FCAR: variants seen among roughly 807,000 people sequenced by gnomAD.
FCAR encodes immunoglobulin alpha Fc receptor.
A neutral mutation model predicts 27.1 loss-of-function variants in FCAR; 21 were observed. That is an observed-to-expected ratio of 0.77 (90% confidence interval 0.55 to 1.11). The LOEUF (loss-of-function observed/expected upper bound fraction) is 1.11, where lower values mean the gene tolerates loss of function less well. Among genes scored for constraint, FCAR ranks in the 50% most tolerant of loss-of-function variants. The probability of loss-of-function intolerance (pLI) is 0.00; values close to 1 mark genes in which losing one functional copy is unlikely to be tolerated. For missense variants in FCAR, 404 were observed against 358.4 expected (o/e 1.13, Z -1.03); for synonymous variants, 134 against 135.8 (o/e 0.99, Z 0.09).
chr19:54,877,977 G>T (rs184642417), intron 2 of FCAR, among the ~76,000 whole-genome samples: 27 of 150,238 alleles, frequency 1.8e-4, no homozygotes, highest in Non-Finnish European at 3.2e-4. Context: ...GTGCAGTGGC[G>T]CAATCTAGGC....
intron 2 of FCAR, among the ~76,000 whole-genome samples, chr19:54,878,390 G>T (rs1251110485): frequency 6.6e-6 from 1 of 152,146 alleles, no homozygotes; most frequent in South Asian, 2.1e-4. Flanking sequence ...TTGCCTCAAT[G>T]ATCTAATACT....
intron 2 of FCAR, among the ~76,000 whole-genome samples, chr19:54,881,103 G>A (rs917354093): frequency 1.3e-5 from 2 of 152,170 alleles, no homozygotes; most frequent in Admixed American, 1.3e-4. Flanking sequence ...CCTTAGCAGC[G>A]GTTGTGGCAG....
At chr19:54,875,930 T>C (rs2066066799) in intron 2 of FCAR, among the ~76,000 whole-genome samples, 1 of 152,216 alleles carries the variant, frequency 6.6e-6, no homozygotes. Context: ...GAATTATTTG[T>C]GTGTTGAACA....
rs375952485 is a variant in FCAR, at chr19:54,885,351, A to G, written c.187A>G (p.Ile63Val). The change falls in exon 3 of 5, where the codon ATA becomes GTA. Residue 63 changes from isoleucine (I) to valine (V), a missense_variant. Ile to Val is a conservative substitution (Grantham distance 29). Coordinates refer to ENST00000355524, the MANE Select transcript of FCAR (RefSeq NM_002000.4). ...REAYLTQLMI[I>V]KNSTYREIGR... Reference sequence around the variant, plus strand: ...AGCTTACCTGACCCAGCTGATGATCATAAAAAACTCCACGTACCGAGAGAT... The same window carrying G: ...AGCTTACCTGACCCAGCTGATGATCGTAAAAAACTCCACGTACCGAGAGAT... 2 of 1,614,152 alleles carry G rather than the reference A, an allele frequency of 1.2e-6. No homozygotes were observed. The highest frequency in any genetic ancestry group is 1.7e-5 in the Admixed American group (1 of 60,012).
In FCAR at chr19:54,885,500, T is replaced by G. The variant is rs760626889; in HGVS notation, c.336T>G (p.Ser112Arg). ...TAGGGCACTACAGGTTCCGGTACAGTGACACCCTGGAGCTGGTAGTGACAG... is the reference window on the plus strand; with the variant it reads ...TAGGGCACTACAGGTTCCGGTACAGGGACACCCTGGAGCTGGTAGTGACAG... ...YRIGHYRFRY[S>R]DTLELVVTGL... The change falls in exon 3 of 5, where the codon AGT (serine) becomes AGG (arginine). Residue 112 changes from serine to arginine, a missense_variant. Physicochemically the swap from Ser to Arg is moderately radical, Grantham distance 110. Transcript: ENST00000355524. The G allele has an allele frequency of 6.2e-7, 1 of 1,613,070 alleles. No individual in the cohort carries two copies.
rs1024760327 is a variant in FCAR, at chr19:54,885,239, C to G, written c.75C>G (p.Asp25Glu). 2.5e-6 allele frequency: 4 copies of G among 1,611,158 alleles called. No homozygotes were observed. The highest frequency in any genetic ancestry group is 3.4e-6 in the Non-Finnish European group (4 of 1,177,824). ...LGQRIQAQEGDFPMPFISAKS... is the reference protein window; with the variant it reads ...LGQRIQAQEGEFPMPFISAKS... Reference sequence around the variant, plus strand: ...CTGGGCTTTCTTTTCTTCCAGGGGACTTTCCCATGCCTTTCATATCTGCCA... The same window carrying G: ...CTGGGCTTTCTTTTCTTCCAGGGGAGTTTCCCATGCCTTTCATATCTGCCA... Residue 25 changes from aspartate (D) to glutamate (E), a missense_variant, in exon 3 of 5, where the codon GAC becomes GAG. Asp to Glu is a conservative substitution (Grantham distance 45, BLOSUM62 2). Coordinates refer to ENST00000355524, the MANE Select transcript of FCAR (RefSeq NM_002000.4).
intron 3 of FCAR, among the ~76,000 whole-genome samples, chr19:54,887,373 C>T (rs2066797675): frequency 2.0e-5 from 3 of 152,206 alleles, no homozygotes; most frequent in Admixed American, 2.0e-4. Context: ...GTAATCCCAG[C>T]ACTTTGGGAG....
At position 54,890,593 on chromosome 19, in the gene FCAR, A is replaced by G. The variant is rs918447138; in HGVS notation, c.*730A>G. 1 of 151,352 alleles carries G rather than the reference A, an allele frequency of 6.6e-6. No individual in the cohort carries two copies. Among genetic ancestry groups the G allele is most frequent in the Non-Finnish European group, 1.5e-5 (1 of 67,866 alleles). The allele number at this position is 151,352 out of a possible 1,614,324, so 9.4% of individuals were successfully genotyped here. A position where few individuals can be genotyped will look rare whatever the true frequency, so the allele number is the denominator to read the frequency against. Reference sequence around the variant, plus strand: ...CAGGCTCCCACCATCACGCCCAGCTACTTTTACAGTATTTTTAGTAGAGAC... The same window carrying G: ...CAGGCTCCCACCATCACGCCCAGCTGCTTTTACAGTATTTTTAGTAGAGAC... On this transcript the variant is annotated 3_prime_UTR_variant, in exon 5 of 5. Coordinates refer to ENST00000355524, the MANE Select transcript of FCAR (RefSeq NM_002000.4).
chr19:54,884,911 AT>A (rs908176564), intron 2 of FCAR, among the ~76,000 whole-genome samples: 1 of 151,796 alleles, frequency 6.6e-6, no homozygotes, highest in African/African-American at 2.4e-5. Context: ...GGTTCACGCC[AT>A]TCTCCTGCCC....
intron 3 of FCAR, among the ~76,000 whole-genome samples, chr19:54,886,038 G>A (rs2066702336): frequency 2.0e-5 from 3 of 152,146 alleles, no homozygotes; most frequent in Non-Finnish European, 4.4e-5. Flanking sequence ...CCTGAGGTCA[G>A]GAGTTCGAGA....
chr19:54,882,432 T>G lies in FCAR; in HGVS notation c.71-2803T>G, dbSNP rs2066475603. ...AGTTCTTGTGTTGATTCTTTTTTTT[T>G]TTTCTTTTTTTTTTCTTTTTTGTGG... On this transcript the variant is annotated intron_variant, in intron 2 of 4. Coordinates refer to ENST00000355524, the MANE Select transcript of FCAR (RefSeq NM_002000.4). Among the ~76,000 whole-genome samples, 8 of 72,294 alleles carry G rather than the reference T, an allele frequency of 1.1e-4. No individual in the cohort carries two copies. The South Asian group carries it at 6.5e-3, about 58-fold the overall frequency. 47.4% of individuals were successfully genotyped at this position (72,294 alleles called of 152,430 possible). A position where few individuals can be genotyped will look rare whatever the true frequency, so the allele number is the denominator to read the frequency against.
Position 54,885,536 on chromosome 19 carries a change from A to G in FCAR, c.361+11A>G, listed in dbSNP as rs765442594. 5.6e-6 allele frequency: 9 copies of G among 1,596,170 alleles called. No individual in the cohort carries two copies. Among genetic ancestry groups the G allele is most frequent in the Non-Finnish European group, 6.9e-6 (8 of 1,164,092 alleles). Reference sequence around the variant, plus strand: ...AGCTGGTAGTGACAGGTAAGGAAACATCCAGGGTCCACAGCCCTGGTGTGA... The same window carrying G: ...AGCTGGTAGTGACAGGTAAGGAAACGTCCAGGGTCCACAGCCCTGGTGTGA... On this transcript the variant is annotated intron_variant, in intron 3 of 4. Transcript: ENST00000355524.
At chr19:54,886,226 C>T (rs1407590133) in intron 3 of FCAR, among the ~76,000 whole-genome samples, 3 of 144,460 alleles carry the variant, frequency 2.1e-5, no homozygotes, top group South Asian at 2.4e-4. Context: ...CCAGGCTGGG[C>T]GACAGGGCGA....
intron 4 of FCAR, 53 bp from the exon 5 acceptor site, chr19:54,889,596 G>A: frequency 6.8e-7 from 1 of 1,469,164 alleles, no homozygotes; most frequent in Non-Finnish European, 9.5e-7. Flanking sequence ...CTGGGGTTGG[G>A]ATGGAATGGA....
At chr19:54,881,775 T>A (rs992464669) in intron 2 of FCAR, among the ~76,000 whole-genome samples, 7 of 151,776 alleles carry the variant, frequency 4.6e-5, no homozygotes, top group African/African-American at 7.3e-5. Flanking sequence ...GGGAGGAGGA[T>A]GAGGCTGAGG....
chr19:54,874,360 T>C (rs779792572), intron 1 of FCAR, 37 bp downstream of exon 1: 2 of 1,605,826 alleles, frequency 1.2e-6, no homozygotes, highest in Middle Eastern at 1.7e-4. Context: ...GAGGGGAAGA[T>C]AGAGAAATCC....
intron 1 of FCAR, among the ~76,000 whole-genome samples, 180 bp from the exon 2 acceptor site, chr19:54,875,150 G>A (rs971754538): frequency 2.0e-5 from 3 of 150,184 alleles, no homozygotes; most frequent in Non-Finnish European, 4.4e-5. Flanking sequence ...CAGCTTGGGC[G>A]ACACAGCGAG....
intron 2 of FCAR, among the ~76,000 whole-genome samples, chr19:54,881,831 A>G (rs754191605): frequency 2.4e-4 from 36 of 149,300 alleles, no homozygotes; most frequent in Non-Finnish European, 4.5e-4. Flanking sequence ...CAGTGAGCCG[A>G]GATCGGGCCA....
At chr19:54,886,297 C>CTTTTTTTTTTTTT (rs2066718728) in intron 3 of FCAR, among the ~76,000 whole-genome samples, 1 of 80,088 alleles carries the variant, frequency 1.2e-5, no homozygotes, top group Non-Finnish European at 2.2e-5. Flanking sequence ...TGTCATGTAT[C>CTTTTTTTTTTTTT]TTTATTTTTT....
Sources: gnomAD v4.1 joint callset for allele counts (sites outside exome capture counted in the v4.1 genomes callset) on GRCh38, gnomAD v4.1.1 for gene constraint, MANE v1.5 for transcripts, NCBI Gene and HGNC (gene_info 2026-07-23, HGNC 2026-07-21) for gene names.